Variants in DLG1 observed in about 807,000 individuals in gnomAD.
The protein encoded by DLG1 is discs large MAGUK scaffold protein 1, also known as disks large homolog 1.
Under a neutral mutation model 123.4 loss-of-function variants are expected in DLG1, and 42 were observed. That is an observed-to-expected ratio of 0.34 (90% CI 0.27 to 0.44). DLG1 has a LOEUF of 0.44. Among genes scored for constraint, DLG1 ranks in the 20% least tolerant of loss-of-function variants. The probability of loss-of-function intolerance (pLI) is 1.00; values close to 1 mark genes in which losing one functional copy is unlikely to be tolerated. For synonymous variants in DLG1, 317 were observed against 356.2 expected (o/e 0.89, Z 1.24); for missense variants, 942 against 1,082.6 (o/e 0.87, Z 1.82).
At chr3:197,051,968 A>C (rs1329233612) in intron 23 of DLG1, among the ~76,000 whole-genome samples, 3 of 151,138 alleles carry the variant, frequency 2.0e-5, no homozygotes, top group African/African-American at 7.3e-5. Flanking sequence ...CCATCTCTCA[A>C]GTAGCTGGAT....
chr3:197,297,099 C>T, intron 2 of DLG1, 87 bp downstream of exon 2: 2 of 1,456,390 alleles, frequency 1.4e-6, no homozygotes, highest in Admixed American at 1.7e-5. Context: ...ATCAAAGTTA[C>T]ACAAACGATT....
At chr3:197,197,961 C>T (rs1000520874) in intron 4 of DLG1, among the ~76,000 whole-genome samples, 5 of 152,088 alleles carry the variant, frequency 3.3e-5, no homozygotes, top group Non-Finnish European at 5.9e-5. Context: ...CCTTTCCTTA[C>T]ACTAGGTGCA....
In DLG1 at chr3:197,213,155, TAAC is replaced by T. The variant is rs1167445140; in HGVS notation, c.319-18569_319-18567del. On this transcript the variant is annotated intron_variant, in intron 4 of 24. Transcript: ENST00000667157. ...TTCATTCAAAATAGCCAAAAGCTGT[TAAC>T]AATCTAAATGTCCATCAACAGATAG... Among the ~76,000 whole-genome samples the T allele has an allele frequency of 3.3e-5, 5 of 152,216 alleles. No homozygotes were observed. The East Asian group carries it at 7.7e-4, about 23-fold the overall frequency.
At chr3:197,126,982 A>G (rs1227250839) in intron 11 of DLG1, among the ~76,000 whole-genome samples, 2 of 152,200 alleles carry the variant, frequency 1.3e-5, no homozygotes, top group Non-Finnish European at 2.9e-5. Flanking sequence ...AGCAGGTTAT[A>G]CCCAGTACGT....
chr3:197,116,019 C>T lies in DLG1; in HGVS notation c.1351G>A (p.Glu451Lys), dbSNP rs761182067. The T allele has an allele frequency of 1.2e-6, 2 of 1,613,618 alleles. No homozygotes were observed. The highest frequency in any genetic ancestry group is 1.1e-5 in the South Asian group (1 of 90,992). ...TGLGFNIVGG[E>K]DGEGIFISFI... ...GAAATAAATATTCCTTCTCCATCTT[C>T]TCCTCCTACAATGTTGAAACCAAGG... Residue 451 changes from glutamate (E) to lysine (K), a missense_variant, in exon 13 of 25, where the codon GAA (glutamate) becomes AAA (lysine). Coordinates refer to ENST00000667157, the MANE Select transcript of DLG1 (RefSeq NM_001366207.1).
At chr3:197,158,957 G>T (rs73086530) in intron 5 of DLG1, among the ~76,000 whole-genome samples, 2,432 of 152,232 alleles carry the variant, frequency 0.016, 69 homozygotes, top group African/African-American at 0.054. Flanking sequence ...ACTCTAGGGT[G>T]CAAATAAGCC....
intron 4 of DLG1, among the ~76,000 whole-genome samples, chr3:197,237,384 C>A (rs1367576985): frequency 6.6e-6 from 1 of 152,152 alleles, no homozygotes; most frequent in Non-Finnish European, 1.5e-5. Context: ...TACAGACCTA[C>A]CTTGTGCCAA....
intron 5 of DLG1, among the ~76,000 whole-genome samples, chr3:197,165,207 G>C (rs1800826644): frequency 6.6e-6 from 1 of 152,186 alleles, no homozygotes; most frequent in South Asian, 2.1e-4. Flanking sequence ...ATAAATGCAA[G>C]GGGAAGGATG....
chr3:197,162,915 G>A (rs1799386032), intron 5 of DLG1, among the ~76,000 whole-genome samples: 1 of 152,170 alleles, frequency 6.6e-6, no homozygotes, highest in African/African-American at 2.4e-5. Flanking sequence ...TGAAAAGACA[G>A]CCTACACAAT....
At position 197,161,554 on chromosome 3, in the gene DLG1, C is replaced by T. The variant is rs764525843; in HGVS notation, c.484-11758G>A. ...AAGTAAATTACCAAATTACAAAAAA[C>T]AGCTCAAACAGTTTTAAAAAAGAAC... On this transcript the variant is annotated intron_variant, in intron 5 of 24. Transcript: ENST00000667157. 354 of 791,200 alleles carry T rather than the reference C, an allele frequency of 4.5e-4. 1 individual carries two copies. Among genetic ancestry groups the T allele is most frequent in the Non-Finnish European group, 5.9e-4 (320 of 542,958 alleles). The allele number at this position is 791,200 out of a possible 1,614,324, so 49.0% of individuals were successfully genotyped here.
chr3:197,179,802 T>C (rs527651628), intron 5 of DLG1, among the ~76,000 whole-genome samples: 15 of 152,286 alleles, frequency 9.8e-5, no homozygotes, highest in Admixed American at 6.5e-4. Context: ...TCAGAAGGCA[T>C]CTGTTTCAGA....
At chr3:197,054,029 A>G (rs1043284461) in intron 23 of DLG1, among the ~76,000 whole-genome samples, 4 of 148,986 alleles carry the variant, frequency 2.7e-5, no homozygotes, top group Admixed American at 1.3e-4. Context: ...AAGTTAAGAC[A>G]GCAGTAACCT....
intron 4 of DLG1, among the ~76,000 whole-genome samples, chr3:197,251,533 G>A (rs1322855007): frequency 6.6e-6 from 1 of 152,082 alleles, no homozygotes; most frequent in Non-Finnish European, 1.5e-5. Flanking sequence ...ACATATAATG[G>A]GGAAAGGACA....
At chr3:197,230,965 T>C (rs915145821) in intron 4 of DLG1, among the ~76,000 whole-genome samples, 3 of 149,830 alleles carry the variant, frequency 2.0e-5, no homozygotes, top group Non-Finnish European at 4.4e-5. Flanking sequence ...ATCATCTTAA[T>C]GCTAAGTAAG....
In DLG1 at chr3:197,151,620, T is replaced by C. The variant is rs528503991; in HGVS notation, c.484-1824A>G. The stretch of plus-strand genomic sequence containing the variant: ...AGTTCATTGTACTATTCTTTCTACA[T>C]TTGAATATTTCTGAAATTTTGCATA... On this transcript the variant is annotated intron_variant, in intron 5 of 24. Coordinates refer to ENST00000667157, the MANE Select transcript of DLG1 (RefSeq NM_001366207.1). Among the ~76,000 whole-genome samples the C allele has an allele frequency of 7.2e-5, 11 of 152,334 alleles. No homozygotes were observed. In the East Asian group the frequency reaches 1.2e-3, roughly 16 times the overall value.
intron 6 of DLG1, among the ~76,000 whole-genome samples, chr3:197,146,013 TAAATA>T (rs1361155925): frequency 1.1e-4 from 16 of 149,076 alleles, no homozygotes; most frequent in African/African-American, 1.5e-4. Flanking sequence ...AATAAATAAA[TAAATA>T]AAATAAAATA....
At chr3:197,122,707 G>A (rs1777078606) in intron 11 of DLG1, among the ~76,000 whole-genome samples, 1 of 151,900 alleles carries the variant, frequency 6.6e-6, no homozygotes, top group South Asian at 2.1e-4. Flanking sequence ...AAATAGCCAG[G>A]ACTAAATCTA....
intron 18 of DLG1, chr3:197,075,905 A>G: frequency 6.3e-7 from 1 of 1,592,246 alleles, no homozygotes; most frequent in East Asian, 2.2e-5. Context: ...CAAGCAATAA[A>G]AAGATAATCA....
At chr3:197,248,724 C>T (rs553739819) in intron 4 of DLG1, among the ~76,000 whole-genome samples, 2 of 150,252 alleles carry the variant, frequency 1.3e-5, no homozygotes, top group East Asian at 3.9e-4. Context: ...GACAAAGAAC[C>T]AGGAAGTTTA....
Sources: gnomAD v4.1 joint callset for allele counts (sites outside exome capture counted in the v4.1 genomes callset) on GRCh38, gnomAD v4.1.1 for gene constraint, MANE v1.5 for transcripts, NCBI Gene and HGNC (gene_info 2026-07-23, HGNC 2026-07-21) for gene names.